Variants in ADAMTSL1 observed in about 807,000 individuals in gnomAD.
ADAMTSL1 encodes the protein ADAMTS like 1.
In ADAMTSL1, 126 loss-of-function variants were observed where a neutral mutation model predicts 201.8. That is an observed-to-expected ratio of 0.62 (90% CI 0.54 to 0.72). The LOEUF is 0.72. Ranked by LOEUF, ADAMTSL1 falls within the 30% of genes least tolerant of loss-of-function variation. The pLI, the probability that ADAMTSL1 is intolerant of heterozygous loss-of-function variation, is 0.00. For missense variants in ADAMTSL1, 2,679 were observed against 2,277.8 expected (o/e 1.18, Z -3.59); for synonymous variants, 1,121 against 903.4 (o/e 1.24, Z -4.32).
chr9:18,726,217 T>G (rs498881), intron 15 of ADAMTSL1, among the ~76,000 whole-genome samples: 39,949 of 152,146 alleles, frequency 0.26, 5,805 homozygotes, highest in Non-Finnish European at 0.33. Flanking sequence ...ATACTTAAGC[T>G]TCAGTCTGGG....
chr9:18,158,434 G>A (rs1318180576), intron 1 of ADAMTSL1, among the ~76,000 whole-genome samples: 1 of 151,626 alleles, frequency 6.6e-6, no homozygotes, highest in Non-Finnish European at 1.5e-5. Flanking sequence ...AGATTTTTTG[G>A]ATTAACGGAA....
chr9:18,680,279 T>G, intron 10 of ADAMTSL1, 33 bp from the exon 11 acceptor site: 1 of 1,604,058 alleles, frequency 6.2e-7, no homozygotes, highest in Non-Finnish European at 8.5e-7. Flanking sequence ...GCAATGTGCA[T>G]GTCTGCCCTG....
chr9:18,649,977 G>T (rs1828107118), intron 7 of ADAMTSL1, among the ~76,000 whole-genome samples: 2 of 152,172 alleles, frequency 1.3e-5, no homozygotes, highest in South Asian at 4.1e-4. Flanking sequence ...TTGTTTGTCT[G>T]TGCCCTGCCA....
intron 23 of ADAMTSL1, among the ~76,000 whole-genome samples, chr9:18,886,170 A>G (rs2020121): frequency 0.053 from 1,569 of 29,780 alleles, 25 homozygotes; most frequent in East Asian, 0.092. Context: ...GTATGTGTAT[A>G]TATATATATA....
At chr9:18,541,529 T>C (rs999962199) in intron 3 of ADAMTSL1, among the ~76,000 whole-genome samples, 1 of 149,648 alleles carries the variant, frequency 6.7e-6, no homozygotes, top group Non-Finnish European at 1.5e-5. Context: ...AAAAAAAAAA[T>C]TTATGGGTGG....
At chr9:18,831,328 C>T (rs550085622) in intron 23 of ADAMTSL1, among the ~76,000 whole-genome samples, 1 of 152,224 alleles carries the variant, frequency 6.6e-6, no homozygotes, top group East Asian at 1.9e-4. Context: ...AAACTGACTC[C>T]CAGTGAAATG....
chr9:18,572,988 T>C (rs1822438425), intron 3 of ADAMTSL1, among the ~76,000 whole-genome samples: 1 of 152,186 alleles, frequency 6.6e-6, no homozygotes, highest in East Asian at 1.9e-4. Flanking sequence ...GGATAGGCAA[T>C]ATTTGCCTTT....
At chr9:18,184,310 G>A (rs72701535) in intron 2 of ADAMTSL1, among the ~76,000 whole-genome samples, 4,928 of 152,302 alleles carry the variant, frequency 0.032, 117 homozygotes, top group Non-Finnish European at 0.053. Context: ...GTGCCTGGAA[G>A]AGGAAACTAA....
intron 2 of ADAMTSL1, among the ~76,000 whole-genome samples, chr9:18,309,456 A>G (rs1834031840): frequency 6.6e-6 from 1 of 152,154 alleles, no homozygotes; most frequent in Admixed American, 6.5e-5. Context: ...TCAGCCCAAA[A>G]TTTCTTAAGC....
intron 3 of ADAMTSL1, among the ~76,000 whole-genome samples, chr9:18,540,366 T>C (rs1820053833): frequency 6.6e-6 from 1 of 152,170 alleles, no homozygotes; most frequent in South Asian, 2.1e-4. Context: ...TGAATGATTA[T>C]GAAAGAAATA....
At chr9:18,423,612 A>C (rs141102849) in intron 2 of ADAMTSL1, among the ~76,000 whole-genome samples, 10 of 152,322 alleles carry the variant, frequency 6.6e-5, no homozygotes, top group African/African-American at 2.4e-4. Context: ...CCTACTAGCG[A>C]GGTAAGAAAC....
At chr9:18,577,710 A>T (rs1431605961) in intron 4 of ADAMTSL1, among the ~76,000 whole-genome samples, 3 of 152,188 alleles carry the variant, frequency 2.0e-5, no homozygotes. Flanking sequence ...AAGTTGAAAA[A>T]TATATTAAAC....
At chr9:17,995,885 A>G (rs902641714) in intron 1 of ADAMTSL1, among the ~76,000 whole-genome samples, 1 of 151,870 alleles carries the variant, frequency 6.6e-6, no homozygotes, top group Middle Eastern at 3.4e-3. Context: ...GAGCACTGAC[A>G]CTTATTCTTT....
chr9:18,873,215 A>G (rs1007142837), intron 23 of ADAMTSL1, among the ~76,000 whole-genome samples: 2 of 152,146 alleles, frequency 1.3e-5, no homozygotes, highest in Non-Finnish European at 2.9e-5. Context: ...TGCCAGATGC[A>G]TAGTTTGTGA....
chr9:18,767,359 T>C (rs769306327), intron 16 of ADAMTSL1, among the ~76,000 whole-genome samples: 1 of 152,188 alleles, frequency 6.6e-6, no homozygotes, highest in Non-Finnish European at 1.5e-5. Context: ...GTGGAGAATA[T>C]AGTCCCCAAA....
intron 2 of ADAMTSL1, among the ~76,000 whole-genome samples, chr9:18,375,820 GGCC>G (rs1269974857): frequency 6.6e-6 from 1 of 152,144 alleles, no homozygotes; most frequent in African/African-American, 2.4e-5. Flanking sequence ...CCTGCCGATT[GGCC>G]CATTTTACAG....
intron 1 of ADAMTSL1, among the ~76,000 whole-genome samples, chr9:18,477,230 C>T (rs778944236): frequency 1.3e-5 from 2 of 152,202 alleles, no homozygotes; most frequent in African/African-American, 4.8e-5. Context: ...AGTCAAATCA[C>T]TTCTTGTCAG....
chr9:18,791,297 C>T (rs1822030625), intron 19 of ADAMTSL1, among the ~76,000 whole-genome samples: 1 of 152,254 alleles, frequency 6.6e-6, no homozygotes, highest in African/African-American at 2.4e-5. Flanking sequence ...GCCTTCAAGC[C>T]TTCATCTACC....
Position 18,122,004 on chromosome 9 carries a change from C to G in ADAMTSL1, c.88-41858C>G, listed in dbSNP as rs181858667. ...ATAAAAGGCCATATATCAGATTATT[C>G]TATTTATATAAAATATCCAGAATAG... is the stretch of plus-strand genomic sequence containing the variant. On this transcript the variant is annotated intron_variant, in intron 1 of 29. Coordinates refer to the ADAMTSL1 transcript ENST00000680146. Among the ~76,000 whole-genome samples, 593 of 152,242 alleles carry G rather than the reference C, an allele frequency of 3.9e-3. 1 individual carries two copies. The highest frequency in any genetic ancestry group is 7.0e-3 in the Admixed American group (107 of 15,274).
Sources: gnomAD v4.1 joint callset for allele counts (sites outside exome capture counted in the v4.1 genomes callset) on GRCh38, gnomAD v4.1.1 for gene constraint, MANE v1.5 for transcripts, NCBI Gene and HGNC (gene_info 2026-07-23, HGNC 2026-07-21) for gene names.